The following SLC9A1 variants were observed in gnomAD, a reference collection of about 807,000 sequenced individuals.
SLC9A1 encodes sodium/hydrogen exchanger 1.
In SLC9A1, 22 loss-of-function variants were observed where a neutral mutation model predicts 67.9. The observed-to-expected ratio is 0.32, with a 90% CI of 0.23 to 0.46. SLC9A1 has a LOEUF of 0.46. SLC9A1 is among the 20% of genes least tolerant of loss of function. SLC9A1 has a pLI of 1.00. For synonymous variants in SLC9A1, 421 were observed against 471.8 expected, an observed-to-expected ratio of 0.89 and a Z score of 1.40; for missense variants, 686 against 1,094.8, an observed-to-expected ratio of 0.63 and a Z score of 5.27.
In SLC9A1 at chr1:27,101,592, C is replaced by T. The variant is rs997571254; in HGVS notation, c.2037+133G>A. ...CCCTTGCTTAGAACTCATGGCTCTCCATGCCCTTACACTGCTAAAAGCCCC... is the reference window on the plus strand; with the variant it reads ...CCCTTGCTTAGAACTCATGGCTCTCTATGCCCTTACACTGCTAAAAGCCCC... On this transcript the variant is annotated intron_variant, in intron 10 of 11. Coordinates refer to ENST00000263980, the MANE Select transcript of SLC9A1 (RefSeq NM_003047.5). This position sits in a 1 kb window ranked among gnomAD's most constrained non-coding sequence, Gnocchi z 4.9. 3 of 688,758 alleles carry T rather than the reference C, an allele frequency of 4.4e-6. No individual in the cohort carries two copies. Among genetic ancestry groups the T allele is most frequent in the African/African-American group, 3.5e-5 (2 of 56,608 alleles). The allele number at this position is 688,758 out of a possible 1,614,324, so 42.7% of individuals were successfully genotyped here. A position where few individuals can be genotyped will look rare whatever the true frequency, so the allele number is the denominator to read the frequency against.
At chr1:27,124,371 T>C (rs952900262) in intron 1 of SLC9A1, among the ~76,000 whole-genome samples, 1 of 152,208 alleles carries the variant, frequency 6.6e-6, no homozygotes, top group African/African-American at 2.4e-5. Context: ...TTGCTTCCAG[T>C]TGAAAGTCAG....
At chr1:27,151,555 T>C (rs1570891636) in intron 1 of SLC9A1, among the ~76,000 whole-genome samples, 1 of 151,834 alleles carries the variant, frequency 6.6e-6, no homozygotes, top group African/African-American at 2.4e-5. Flanking sequence ...AGAGACGGGG[T>C]TTCACCATGT....
At chr1:27,110,997 C>T (rs559531463) in intron 2 of SLC9A1, among the ~76,000 whole-genome samples, 1 of 152,344 alleles carries the variant, frequency 6.6e-6, no homozygotes. Context: ...GACCAGGCAG[C>T]TCAGGGTCAG....
At position 27,101,642 on chromosome 1, in the gene SLC9A1, A is replaced by C. The variant is rs555884082; in HGVS notation, c.2037+83T>G. ...CTCGAAAGCCAAACCCTGTTCCTAG[A>C]ATGGGTACATTTCCTTAGAGGCTGT... On this transcript the variant is annotated intron_variant, in intron 10 of 11. Transcript: ENST00000263980. This position sits in a 1 kb window ranked among gnomAD's most constrained non-coding sequence, Gnocchi z 4.9. 90 of 990,696 alleles carry C rather than the reference A, an allele frequency of 9.1e-5. No homozygotes were observed. In the African/African-American group the frequency reaches 1.2e-3, roughly 14 times the overall value. The allele number at this position is 990,696 out of a possible 1,614,324, so 61.4% of individuals were successfully genotyped here.
At chr1:27,129,443 C>A (rs1320508641) in intron 1 of SLC9A1, among the ~76,000 whole-genome samples, 4 of 152,190 alleles carry the variant, frequency 2.6e-5, no homozygotes, top group African/African-American at 9.7e-5. Flanking sequence ...CTTTAGAGGA[C>A]ACTGCAGAGA....
At chr1:27,140,823 T>A (rs2124201954) in intron 1 of SLC9A1, among the ~76,000 whole-genome samples, 1 of 152,166 alleles carries the variant, frequency 6.6e-6, no homozygotes, top group South Asian at 2.1e-4. Context: ...AACATAAATG[T>A]TATGTAGGAG....
chr1:27,100,569 G>T lies in SLC9A1; in HGVS notation c.2186C>A (p.Ser729Tyr), dbSNP rs751326068. The part of the protein sequence containing the change: ...IDPASPQSPE[S>Y]VDLVNEELKG... ...CAGCTCTTCATTCACCAGGTCCACAGACTCGGGTGACTGCGGGGAAGCCGG... is the reference window on the plus strand; with the variant it reads ...CAGCTCTTCATTCACCAGGTCCACATACTCGGGTGACTGCGGGGAAGCCGG... Residue 729 changes from serine to tyrosine, a missense_variant, in exon 12 of 12, where the codon TCT (serine) becomes TAT (tyrosine). By Grantham distance (144) the Ser-to-Tyr change is moderately radical. This residue lies in a region of SLC9A1 where 226 missense variants were observed against 282.4 expected (regional missense o/e 0.80). Transcript: ENST00000263980. The surrounding 1 kb of genome is among the most constrained non-coding windows in gnomAD (Gnocchi z 5.6). 2.0e-5 allele frequency: 33 copies of T among 1,613,992 alleles called. No individual in the cohort carries two copies. The East Asian group carries it at 7.1e-4, about 35-fold the overall frequency.
At chr1:27,146,317 A>G (rs942458975) in intron 1 of SLC9A1, among the ~76,000 whole-genome samples, 2 of 152,194 alleles carry the variant, frequency 1.3e-5, no homozygotes, top group Non-Finnish European at 2.9e-5. Context: ...ATTTTTCTGC[A>G]TGCTGCCACC....
intron 1 of SLC9A1, among the ~76,000 whole-genome samples, chr1:27,140,724 T>C (rs755898004): frequency 1.3e-5 from 2 of 152,216 alleles, no homozygotes; most frequent in Non-Finnish European, 2.9e-5. Flanking sequence ...CTTTTATAGC[T>C]ACACATCAAG....
intron 1 of SLC9A1, among the ~76,000 whole-genome samples, chr1:27,126,333 T>C (rs1336708217): frequency 6.6e-6 from 1 of 152,102 alleles, no homozygotes; most frequent in East Asian, 1.9e-4. Flanking sequence ...CAATCAATGT[T>C]TGCTGGATGG....
chr1:27,133,648 C>T (rs1173395007), intron 1 of SLC9A1, among the ~76,000 whole-genome samples: 1 of 152,062 alleles, frequency 6.6e-6, no homozygotes, highest in African/African-American at 2.4e-5. Context: ...GTCAGCATCT[C>T]CCGCCCCATC....
chr1:27,131,969 T>C (rs1170868722), intron 1 of SLC9A1, among the ~76,000 whole-genome samples: 3 of 133,448 alleles, frequency 2.2e-5, no homozygotes, highest in Non-Finnish European at 4.7e-5. Context: ...TATATATATA[T>C]ATATATATAA....
At chr1:27,102,263 AC>A in intron 8 of SLC9A1, 121 bp downstream of exon 8, 5 of 1,362,156 alleles carry the variant, frequency 3.7e-6, no homozygotes, top group Non-Finnish European at 5.2e-6. Flanking sequence ...GTGCGAGCCC[AC>A]AGCTCTCTTG....
chr1:27,139,733 G>A (rs933796621), intron 1 of SLC9A1, among the ~76,000 whole-genome samples: 14 of 152,004 alleles, frequency 9.2e-5, no homozygotes, highest in African/African-American at 3.1e-4. Flanking sequence ...CTGTGGCTCT[G>A]TGTCATTCAC....
chr1:27,102,253 G>T, intron 8 of SLC9A1, 123 bp from the exon 9 acceptor site: 1 of 1,339,486 alleles, frequency 7.5e-7, no homozygotes, highest in Non-Finnish European at 1.1e-6. Flanking sequence ...CAGGTCCTTG[G>T]TGCGAGCCCA....
chr1:27,149,801 A>G (rs2124217717), intron 1 of SLC9A1, among the ~76,000 whole-genome samples: 1 of 152,338 alleles, frequency 6.6e-6, no homozygotes, highest in African/African-American at 2.4e-5. Flanking sequence ...AGGGCTTCTG[A>G]CTACGTCTTT....
rs1466617833 is a variant in SLC9A1, at chr1:27,114,739, T to C, written c.353-453A>G. ...CTGAGGAATAACAATCTAACAATTC[T>C]GTCTGAGGGAAGATGGTAGTTCCCT... On this transcript the variant is annotated intron_variant, in intron 1 of 11. Coordinates refer to ENST00000263980, the MANE Select transcript of SLC9A1 (RefSeq NM_003047.5). The surrounding 1 kb of genome is among the most constrained non-coding windows in gnomAD (Gnocchi z 5.4). Among the ~76,000 whole-genome samples the C allele has an allele frequency of 6.6e-6, 1 of 152,202 alleles. No individual in the cohort carries two copies. Among genetic ancestry groups the C allele is most frequent in the Non-Finnish European group, 1.5e-5 (1 of 68,038 alleles).
intron 1 of SLC9A1, among the ~76,000 whole-genome samples, chr1:27,132,658 C>T (rs2083393713): frequency 2.0e-5 from 3 of 152,164 alleles, no homozygotes; most frequent in South Asian, 4.1e-4. Flanking sequence ...GGGGGTGCCT[C>T]CTACAATTAG....
At chr1:27,103,054 C>T (rs1315781543) in intron 6 of SLC9A1, among the ~76,000 whole-genome samples, 169 bp downstream of exon 6, 3 of 152,272 alleles carry the variant, frequency 2.0e-5, no homozygotes, top group South Asian at 2.1e-4. Flanking sequence ...CAGCTGCTCA[C>T]ACCACACCTT....
Sources: gnomAD v4.1 joint callset for allele counts (sites outside exome capture counted in the v4.1 genomes callset) on GRCh38, gnomAD v4.1.1 for gene constraint, gnomAD v4.1.1 regional missense constraint, Gnocchi (gnomAD v3.1) non-coding constraint, MANE v1.5 for transcripts, NCBI Gene and HGNC (gene_info 2026-07-23, HGNC 2026-07-21) for gene names.